Variants in OSBP2 observed in about 807,000 individuals in gnomAD.
OSBP2 encodes oxysterol-binding protein 2.
In OSBP2, 66 loss-of-function variants were observed where a neutral mutation model predicts 96.0. The observed-to-expected ratio is 0.69, with a 90% CI of 0.56 to 0.84. OSBP2 has a LOEUF of 0.84. Ranked by LOEUF, OSBP2 falls within the 40% of genes least tolerant of loss-of-function variation. OSBP2 has a pLI of 0.00. For missense variants in OSBP2, 1,038 were observed against 1,222.7 expected, an observed-to-expected ratio of 0.85 and a Z score of 2.25; for synonymous variants, 525 against 520.9, an observed-to-expected ratio of 1.01 and a Z score of -0.11.
chr22:30,842,360 GT>G (rs1022270921), intron 2 of OSBP2, among the ~76,000 whole-genome samples: 1 of 151,940 alleles, frequency 6.6e-6, no homozygotes, highest in Admixed American at 6.6e-5. Context: ...CCTTCAGCCA[GT>G]TTTTTTTCTT....
chr22:30,827,182 T>C (rs999976541), intron 2 of OSBP2, among the ~76,000 whole-genome samples: 1 of 152,148 alleles, frequency 6.6e-6, no homozygotes, highest in Non-Finnish European at 1.5e-5. Flanking sequence ...GCCAGTGGGT[T>C]GCATCAGAAA....
chr22:30,752,587 G>A (rs1004496671), intron 2 of OSBP2, among the ~76,000 whole-genome samples: 3 of 152,052 alleles, frequency 2.0e-5, no homozygotes, highest in Non-Finnish European at 4.4e-5. Context: ...ACCGCGCCGG[G>A]CCCAGGGTTC....
chr22:30,733,572 C>A (rs769607793), intron 1 of OSBP2, among the ~76,000 whole-genome samples: 13 of 152,132 alleles, frequency 8.5e-5, no homozygotes, highest in African/African-American at 1.4e-4. Context: ...GTACTACTCC[C>A]AAGCCCAAAA....
At chr22:30,805,526 C>T (rs559466322) in intron 2 of OSBP2, among the ~76,000 whole-genome samples, 8 of 152,300 alleles carry the variant, frequency 5.3e-5, no homozygotes, top group South Asian at 4.2e-4. Flanking sequence ...ATCTGTAAAA[C>T]GGAGAAAATA....
At chr22:30,875,180 C>T (rs540055947) in intron 3 of OSBP2, among the ~76,000 whole-genome samples, 11 of 152,276 alleles carry the variant, frequency 7.2e-5, no homozygotes, top group South Asian at 2.1e-4. Flanking sequence ...GGCCCAGCCC[C>T]GAGGCCTCAG....
chr22:30,699,142 G>A (rs140564348), intron 1 of OSBP2, among the ~76,000 whole-genome samples: 2,738 of 151,632 alleles, frequency 0.018, 34 homozygotes, highest in Middle Eastern at 0.045. Context: ...ACAAGGTTTC[G>A]TTATGTTGGC....
In OSBP2 at chr22:30,741,210, A is replaced by G; in HGVS notation, c.694A>G (p.Thr232Ala). Residue 232 changes from threonine (T) to alanine (A), a missense_variant, in exon 2 of 14, where the codon ACC (threonine) becomes GCC (alanine). Coordinates refer to ENST00000332585, the MANE Select transcript of OSBP2 (RefSeq NM_030758.4). Reference protein sequence around the residue: ...HTCRGTINLSTAHIDTEDSCG... With the variant: ...HTCRGTINLSAAHIDTEDSCG... ...GTGCCGTGGAACCATCAACCTGTCC[A>G]CCGCGCACATTGACACGGAGGACTC... is the stretch of plus-strand genomic sequence containing the variant. 2 of 1,614,124 alleles carry G rather than the reference A, an allele frequency of 1.2e-6. No homozygotes were observed. Among genetic ancestry groups the G allele is most frequent in the Non-Finnish European group, 1.7e-6 (2 of 1,180,024 alleles).
At chr22:30,772,520 T>C (rs957729176) in intron 2 of OSBP2, among the ~76,000 whole-genome samples, 1 of 152,140 alleles carries the variant, frequency 6.6e-6, no homozygotes, top group African/African-American at 2.4e-5. Flanking sequence ...CAGAGATGTT[T>C]TGTGAGCTCA....
intron 8 of OSBP2, among the ~76,000 whole-genome samples, chr22:30,891,634 G>T (rs2039950194): frequency 2.0e-5 from 3 of 152,184 alleles, no homozygotes; most frequent in Admixed American, 1.3e-4. Context: ...ACACGCAGGG[G>T]TGTGGTGGCC....
intron 2 of OSBP2, among the ~76,000 whole-genome samples, chr22:30,815,379 A>G (rs2091070655): frequency 6.6e-6 from 1 of 152,034 alleles, no homozygotes; most frequent in Non-Finnish European, 1.5e-5. Context: ...TGGCCTCATA[A>G]CTCTCACTCC....
At chr22:30,896,489 T>C (rs1188459126) in intron 12 of OSBP2, among the ~76,000 whole-genome samples, 2 of 152,028 alleles carry the variant, frequency 1.3e-5, no homozygotes, top group African/African-American at 2.4e-5. Context: ...GGAAGAAACA[T>C]TTATAAGACT....
intron 1 of OSBP2, among the ~76,000 whole-genome samples, chr22:30,726,094 T>C (rs531232851): frequency 6.6e-6 from 1 of 152,294 alleles, no homozygotes; most frequent in Admixed American, 6.5e-5. Context: ...ATGTTCATGA[T>C]AGGCTCCCAT....
chr22:30,887,381 C>T, intron 3 of OSBP2, 45 bp from the exon 4 acceptor site: 2 of 1,545,102 alleles, frequency 1.3e-6, no homozygotes, highest in Non-Finnish European at 8.9e-7. Flanking sequence ...CAGATGGGCC[C>T]CTGCCAGAGG....
At chr22:30,722,099 G>T (rs116641930) in intron 1 of OSBP2, among the ~76,000 whole-genome samples, 1 of 152,126 alleles carries the variant, frequency 6.6e-6, no homozygotes, top group Non-Finnish European at 1.5e-5. Context: ...CCAGCCCTGT[G>T]CCCTAGAGAC....
At chr22:30,846,502 C>T (rs764745434) in intron 2 of OSBP2, among the ~76,000 whole-genome samples, 20 of 152,094 alleles carry the variant, frequency 1.3e-4, no homozygotes, top group Non-Finnish European at 2.5e-4. Flanking sequence ...TTTCCCACAT[C>T]CTTACCAATA....
intron 2 of OSBP2, among the ~76,000 whole-genome samples, chr22:30,744,386 G>A (rs1405909613): frequency 6.6e-6 from 1 of 152,132 alleles, no homozygotes; most frequent in African/African-American, 2.4e-5. Flanking sequence ...AGGCCACTGT[G>A]GGTTATCCCG....
intron 1 of OSBP2, among the ~76,000 whole-genome samples, chr22:30,700,113 C>G (rs1477819443): frequency 6.6e-6 from 1 of 151,860 alleles, no homozygotes; most frequent in Non-Finnish European, 1.5e-5. Flanking sequence ...CAGAGGCATG[C>G]CACCACACCC....
intron 1 of OSBP2, among the ~76,000 whole-genome samples, chr22:30,697,152 A>G (rs992798446): frequency 2.6e-5 from 4 of 152,192 alleles, no homozygotes; most frequent in African/African-American, 9.7e-5. Context: ...AGGTACTACT[A>G]AACTGAAGAG....
At chr22:30,694,098 A>T (rs1186760580), upstream of OSBP2, 2 of 1,444,258 alleles carry the variant, frequency 1.4e-6, no homozygotes, top group Non-Finnish European at 9.5e-7. Context: ...AGCCTCACAG[A>T]CTGCCAGCCT....
Sources: gnomAD v4.1 joint callset for allele counts (sites outside exome capture counted in the v4.1 genomes callset) on GRCh38, gnomAD v4.1.1 for gene constraint, MANE v1.5 for transcripts, NCBI Gene and HGNC (gene_info 2026-07-23, HGNC 2026-07-21) for gene names.